GALNT18: variants seen among roughly 807,000 people sequenced by gnomAD.
GALNT18 encodes polypeptide N-acetylgalactosaminyltransferase 18.
A neutral mutation model predicts 69.5 loss-of-function variants in GALNT18; 44 were observed. The observed-to-expected ratio is 0.63, with a 90% CI of 0.50 to 0.81. The LOEUF (loss-of-function observed/expected upper bound fraction) is 0.81. GALNT18 is among the 40% of genes least tolerant of loss of function. The pLI is 0.00. For synonymous variants in GALNT18, 364 were observed against 318.2 expected (o/e 1.14, Z -1.53); for missense variants, 715 against 810.0 (o/e 0.88, Z 1.42).
intron 1 of GALNT18, among the ~76,000 whole-genome samples, chr11:11,561,560 G>T (rs988323831): frequency 6.6e-6 from 1 of 152,220 alleles, no homozygotes; most frequent in Non-Finnish European, 1.5e-5. Context: ...ATGCCTAGCA[G>T]AGTCAGCTAA....
chr11:11,286,672 T>C (rs994218520), intron 10 of GALNT18, among the ~76,000 whole-genome samples: 2 of 152,196 alleles, frequency 1.3e-5, no homozygotes, highest in Admixed American at 1.3e-4. Flanking sequence ...TGCTGGGTGC[T>C]GCCTCTGTCT....
At chr11:11,352,508 T>C (rs538728095) in intron 6 of GALNT18, 1 of 1,614,158 alleles carries the variant, frequency 6.2e-7, no homozygotes, top group Admixed American at 1.7e-5. Flanking sequence ...TCTGATAGTC[T>C]ACAAGTAGCT....
chr11:11,548,475 C>A (rs575282315), intron 1 of GALNT18, among the ~76,000 whole-genome samples: 1 of 152,346 alleles, frequency 6.6e-6, no homozygotes, highest in South Asian at 2.1e-4. Flanking sequence ...TAGCTTCTGA[C>A]CCCTGCCACT....
chr11:11,518,346 C>T (rs1024171321), intron 1 of GALNT18, among the ~76,000 whole-genome samples: 7 of 152,256 alleles, frequency 4.6e-5, no homozygotes, highest in African/African-American at 1.7e-4. Flanking sequence ...AATTTTAACA[C>T]AACCGTGGAT....
At chr11:11,380,628 T>C (rs994023345) in intron 3 of GALNT18, among the ~76,000 whole-genome samples, 4 of 152,266 alleles carry the variant, frequency 2.6e-5, no homozygotes, top group African/African-American at 4.8e-5. Flanking sequence ...TATTTTTACA[T>C]GGTGCTACTA....
At position 11,601,598 on chromosome 11, in the gene GALNT18, T is replaced by C. The variant is rs1298712500; in HGVS notation, c.235+19761A>G. On this transcript the variant is annotated intron_variant, in intron 1 of 10. Coordinates refer to ENST00000227756, the MANE Select transcript of GALNT18 (RefSeq NM_198516.3). The surrounding 1 kb of genome is among the most constrained non-coding windows in gnomAD (Gnocchi z 4.0). ...CCTTTAGGCATAAATTGCTCCACAG[T>C]CTGATCCAATTAAATTTGGGTTTGG... Among the ~76,000 whole-genome samples the C allele has an allele frequency of 6.6e-6, 1 of 152,206 alleles. No individual in the cohort carries two copies. Among genetic ancestry groups the C allele is most frequent in the African/African-American group, 2.4e-5 (1 of 41,452 alleles).
In GALNT18 at chr11:11,603,074, A is replaced by G. The variant is rs186641425; in HGVS notation, c.235+18285T>C. Among the ~76,000 whole-genome samples, 45 of 152,352 alleles carry G rather than the reference A, an allele frequency of 3.0e-4. No individual in the cohort carries two copies. Among genetic ancestry groups the G allele is most frequent in the African/African-American group, 1.1e-3 (44 of 41,586 alleles). Reference sequence around the variant, plus strand: ...GTTCAAAGGGACTATTGGCTGGTACAAAGTCTTCTTTGAAAGGAGGCAATT... The same window carrying G: ...GTTCAAAGGGACTATTGGCTGGTACGAAGTCTTCTTTGAAAGGAGGCAATT... On this transcript the variant is annotated intron_variant, in intron 1 of 10. Transcript: ENST00000227756. This position sits in a 1 kb window ranked among gnomAD's most constrained non-coding sequence, Gnocchi z 4.5.
At chr11:11,278,377 T>TG (rs1383546847) in intron 10 of GALNT18, among the ~76,000 whole-genome samples, 4 of 49,010 alleles carry the variant, frequency 8.2e-5, no homozygotes, top group Non-Finnish European at 1.7e-4. Context: ...GGTGGGGGGC[T>TG]GGGGGAGGGA....
chr11:11,344,734 CTGAGCCTACCTCAGTG>C lies in GALNT18; in HGVS notation c.1093-3746_1093-3731del, dbSNP rs543342077. ...ATGCAGTGTGGGTAAGTGTTTAACA[CTGAGCCTACCTCAGTG>C]TGAGCACTATGTGGATGGCGGTCAA... On this transcript the variant is annotated intron_variant, in intron 6 of 10. Transcript: ENST00000227756. Among the ~76,000 whole-genome samples, 102 of 152,336 alleles carry C rather than the reference CTGAGCCTACCTCAGTG, an allele frequency of 6.7e-4. 1 individual carries two copies. The East Asian group carries it at 0.017, about 26-fold the overall frequency.
intron 3 of GALNT18, among the ~76,000 whole-genome samples, chr11:11,419,596 CAAAAAAAAAAAA>C (rs58012512): frequency 2.6e-4 from 7 of 26,618 alleles, no homozygotes; most frequent in Non-Finnish European, 6.2e-4. Flanking sequence ...GATCCTGTCT[CAAAAAAAAAAAA>C]AAAAAAAAAA....
At chr11:11,589,003 A>G (rs1859288614) in intron 1 of GALNT18, among the ~76,000 whole-genome samples, 1 of 152,228 alleles carries the variant, frequency 6.6e-6, no homozygotes, top group Admixed American at 6.5e-5. Context: ...ACTAAGCCCT[A>G]TCTTGGGAAA....
chr11:11,351,865 C>A (rs1487664440), intron 6 of GALNT18: 1 of 1,132,260 alleles, frequency 8.8e-7, no homozygotes, highest in Non-Finnish European at 1.3e-6. Context: ...TTTCACCCCT[C>A]CCCGCCAGGC....
At position 11,596,944 on chromosome 11, in the gene GALNT18, T is replaced by C. The variant is rs555764319; in HGVS notation, c.235+24415A>G. Among the ~76,000 whole-genome samples the C allele has an allele frequency of 1.3e-5, 2 of 152,324 alleles. No homozygotes were observed. The highest frequency in any genetic ancestry group is 2.9e-5 in the Non-Finnish European group (2 of 68,020). On this transcript the variant is annotated intron_variant, in intron 1 of 10. Coordinates refer to ENST00000227756, the MANE Select transcript of GALNT18 (RefSeq NM_198516.3). This position sits in a 1 kb window ranked among gnomAD's most constrained non-coding sequence, Gnocchi z 4.2. The stretch of plus-strand genomic sequence containing the variant: ...ATGATGTTAGTTGTGGGATTTTTTG[T>C]AGATGTTCTTCATCAGGTTGTTGAA...
Position 11,463,205 on chromosome 11 carries a change from GAC to G in GALNT18, c.236-14271_236-14270del, listed in dbSNP as rs1564962065. Among the ~76,000 whole-genome samples the G allele has an allele frequency of 2.0e-5, 2 of 100,600 alleles. No homozygotes were observed. The highest frequency in any genetic ancestry group is 7.5e-5 in the African/African-American group (2 of 26,776). 66.0% of individuals were successfully genotyped at this position (100,600 alleles called of 152,430 possible). ...ATGGACATACACACTCAGACAGACA[GAC>G]AGACACACACACACACACAGAGAGA... On this transcript the variant is annotated intron_variant, in intron 1 of 10. Transcript: ENST00000227756. This position sits in a 1 kb window ranked among gnomAD's most constrained non-coding sequence, Gnocchi z 4.2.
intron 1 of GALNT18, among the ~76,000 whole-genome samples, chr11:11,550,301 A>C (rs1468028191): frequency 1.3e-5 from 2 of 152,150 alleles, no homozygotes; most frequent in East Asian, 3.9e-4. Flanking sequence ...TCTTCCCCAA[A>C]GGCTTCCATG....
intron 1 of GALNT18, among the ~76,000 whole-genome samples, chr11:11,610,825 C>G (rs1418596684): frequency 6.6e-6 from 1 of 152,192 alleles, no homozygotes; most frequent in Non-Finnish European, 1.5e-5. Flanking sequence ...ACTGACAGGT[C>G]TGAAGCCTTC....
chr11:11,556,483 T>G (rs1482839473), intron 1 of GALNT18, among the ~76,000 whole-genome samples: 1 of 152,232 alleles, frequency 6.6e-6, no homozygotes, highest in Non-Finnish European at 1.5e-5. Context: ...TCGTCTCACT[T>G]CTGTGCAAGA....
At chr11:11,442,711 A>G (rs926983914) in intron 2 of GALNT18, among the ~76,000 whole-genome samples, 2 of 152,116 alleles carry the variant, frequency 1.3e-5, no homozygotes, top group African/African-American at 4.8e-5. Flanking sequence ...CTGTGTGTGG[A>G]TCTGTCCCAA....
In GALNT18 at chr11:11,444,364, C is replaced by T. The variant is rs771962848; in HGVS notation, c.428+4380G>A. On this transcript the variant is annotated intron_variant, in intron 2 of 10. Coordinates refer to ENST00000227756, the MANE Select transcript of GALNT18 (RefSeq NM_198516.3). This position sits in a 1 kb window ranked among gnomAD's most constrained non-coding sequence, Gnocchi z 4.4. The stretch of plus-strand genomic sequence containing the variant: ...CTGCGAGGACAAGTCCTCCCCGCCA[C>T]GGAGCCTGGGAAATGGTCAGCAGAC... Among the ~76,000 whole-genome samples, 21 of 152,232 alleles carry T rather than the reference C, an allele frequency of 1.4e-4. No individual in the cohort carries two copies. The highest frequency in any genetic ancestry group is 2.1e-4 in the South Asian group (1 of 4,830).
Sources: gnomAD v4.1 joint callset for allele counts (sites outside exome capture counted in the v4.1 genomes callset) on GRCh38, gnomAD v4.1.1 for gene constraint, Gnocchi (gnomAD v3.1) non-coding constraint, MANE v1.5 for transcripts, NCBI Gene and HGNC (gene_info 2026-07-23, HGNC 2026-07-21) for gene names.